Variants in CARMIL2 observed in about 807,000 individuals in gnomAD.
CARMIL2 encodes capping protein regulator and myosin 1 linker 2, also known as capping protein, Arp2/3 and myosin-I linker protein 2.
Under a neutral mutation model 173.3 loss-of-function variants are expected in CARMIL2, and 96 were observed. The ratio of observed to expected loss-of-function variants is 0.55; its 90% CI spans 0.47 to 0.66. The LOEUF is 0.66. Among genes scored for constraint, CARMIL2 ranks in the 30% least tolerant of loss-of-function variants. The probability of loss-of-function intolerance (pLI) is 0.00; values close to 1 mark genes in which losing one functional copy is unlikely to be tolerated. For missense variants in CARMIL2, 1,771 were observed against 1,906.7 expected, an observed-to-expected ratio of 0.93 and a Z score of 1.33; for synonymous variants, 830 against 817.1, an observed-to-expected ratio of 1.02 and a Z score of -0.27.
At chr16:67,645,330 T>A (rs1163730630) in intron 1 of CARMIL2, 44 bp downstream of exon 1, 1 of 1,574,016 alleles carries the variant, frequency 6.4e-7, no homozygotes, top group Non-Finnish European at 8.6e-7. Context: ...GAGGAAGTAG[T>A]GCAGCCCCAA....
chr16:67,652,183 C>A lies in CARMIL2; in HGVS notation c.2677-16C>A. The A allele has an allele frequency of 6.2e-7, 1 of 1,609,758 alleles. No homozygotes were observed. The highest frequency in any genetic ancestry group is 8.5e-7 in the Non-Finnish European group (1 of 1,178,632). ...CTGAGGCCCTACCTGCCATCTTTGG[C>A]TGCTTGGTATTGCAGGTGGAGAGTC... On this transcript the variant is annotated splice_polypyrimidine_tract_variant and intron_variant, in intron 26 of 37. Transcript: ENST00000334583. This position sits in a 1 kb window ranked among gnomAD's most constrained non-coding sequence, Gnocchi z 4.7.
chr16:67,656,123 A>G, intron 33 of CARMIL2, 56 bp downstream of exon 33: 1 of 1,611,190 alleles, frequency 6.2e-7, no homozygotes, highest in Non-Finnish European at 8.5e-7. Flanking sequence ...CCTTATAGAC[A>G]GCCCCCAAGG....
chr16:67,648,691 T>C lies in CARMIL2; in HGVS notation c.1446T>C (p.Leu482=), dbSNP rs774035409. ...CKLPPDALRA[L]LDGLALNTHL... ...GTGTAACGTCCTCTCCCAGAGCCCT[T>C]TTGGATGGCCTCGCGCTCAACACGC... Residue 482 remains leucine (L), a synonymous_variant, in exon 16 of 38, where the codon CTT becomes CTC. Coordinates refer to ENST00000334583, the MANE Select transcript of CARMIL2 (RefSeq NM_001013838.3). The surrounding 1 kb of genome is among the most constrained non-coding windows in gnomAD (Gnocchi z 6.1). 2 of 1,606,370 alleles carry C rather than the reference T, an allele frequency of 1.2e-6. No homozygotes were observed. Among genetic ancestry groups the C allele is most frequent in the African/African-American group, 2.7e-5 (2 of 74,804 alleles).
chr16:67,654,784 C>T lies in CARMIL2; in HGVS notation c.3589C>T (p.Pro1197Ser), dbSNP rs756486522. 4 of 1,613,270 alleles carry T rather than the reference C, an allele frequency of 2.5e-6. No individual in the cohort carries two copies. The highest frequency in any genetic ancestry group is 2.2e-5 in the East Asian group (1 of 44,888). ...TLGARPDKRRPLERGETELAP... is the reference protein window; with the variant it reads ...TLGARPDKRRSLERGETELAP... ...CGAGCATCTCTGTCCCTAGCGGCGG[C>T]CCCTGGAGCGGGGAGAAACAGAACT... is the stretch of plus-strand genomic sequence containing the variant. The change falls in exon 32 of 38, where the codon CCC becomes TCC. Residue 1197 changes from proline to serine, a missense_variant. Pro to Ser is a moderately conservative substitution (Grantham distance 74). Transcript: ENST00000334583.
chr16:67,648,251 T>C lies in CARMIL2; in HGVS notation c.1271T>C (p.Val424Ala), dbSNP rs1171580319. 3.1e-6 allele frequency: 5 copies of C among 1,600,108 alleles called. No homozygotes were observed. The highest frequency in any genetic ancestry group is 4.2e-6 in the Non-Finnish European group (5 of 1,176,488). ...NSLPPQLFAA[V>A]SRGCCTSLTH... ...CTCCCCCCGCAGCTCTTCGCAGCGG[T>C]ATCCCGAGGCTGCTGCACCAGCCTT... The change falls in exon 14 of 38, where the codon GTA becomes GCA. Residue 424 changes from valine to alanine, a missense_variant. By Grantham distance (64) the Val-to-Ala change is moderately conservative. Transcript: ENST00000334583. This position sits in a 1 kb window ranked among gnomAD's most constrained non-coding sequence, Gnocchi z 6.1.
Position 67,647,198 on chromosome 16 carries a change from G to C in CARMIL2, c.687+7G>C. ...CTGTGTGGACATGAAGCTGGTGAGGGGGTTCGGGGTAAGGGCAGGGAGGGG... is the reference window on the plus strand; with the variant it reads ...CTGTGTGGACATGAAGCTGGTGAGGCGGTTCGGGGTAAGGGCAGGGAGGGG... On this transcript the variant is annotated splice_region_variant and intron_variant, in intron 9 of 37. Transcript: ENST00000334583. The C allele has an allele frequency of 6.2e-7, 1 of 1,613,824 alleles. No individual in the cohort carries two copies. Among genetic ancestry groups the C allele is most frequent in the South Asian group, 1.1e-5 (1 of 91,088 alleles).
In CARMIL2 at chr16:67,657,412, GCCTTGGAA is replaced by G; in HGVS notation, c.4205_4212del (p.Leu1402ArgfsTer14). 1 of 1,605,904 alleles carries G rather than the reference GCCTTGGAA, an allele frequency of 6.2e-7. No homozygotes were observed. The highest frequency in any genetic ancestry group is 8.5e-7 in the Non-Finnish European group (1 of 1,176,632). ...TCCCTCCCTCCCCTCACAGGATCTG[GCCTTGGAA>G]CCGAGCCTCTGCCCCCACAGCCCAC... On this transcript the variant is annotated frameshift_variant, in exon 38 of 38. Transcript: ENST00000334583. LOFTEE classifies it high-confidence loss of function. This position sits in a 1 kb window ranked among gnomAD's most constrained non-coding sequence, Gnocchi z 4.5.
chr16:67,646,247 T>C lies in CARMIL2; in HGVS notation c.311T>C (p.Leu104Pro), dbSNP rs762930768. Residue 104 changes from leucine to proline, a missense_variant, in exon 5 of 38, where the codon CTG becomes CCG. Physicochemically the swap from Leu to Pro is moderately conservative, Grantham distance 98. Around this residue, in one of 3 missense-constraint regions of CARMIL2, gnomAD observed 944 missense variants for 975.6 expected, o/e 0.97. Transcript: ENST00000334583. This position sits in a 1 kb window ranked among gnomAD's most constrained non-coding sequence, Gnocchi z 4.6. ...LVLEFPGVAA[L>P]EQLAQHVAAA... Reference sequence around the variant, plus strand: ...CTGGAGTTTCCTGGTGTGGCCGCCCTGGAACAGCTGGCCCAGCACGTGGCT... The same window carrying C: ...CTGGAGTTTCCTGGTGTGGCCGCCCCGGAACAGCTGGCCCAGCACGTGGCT... 6.2e-7 allele frequency: 1 copy of C among 1,613,630 alleles called. No homozygotes were observed. Among genetic ancestry groups the C allele is most frequent in the African/African-American group, 1.3e-5 (1 of 74,914 alleles).
rs781084163 is a variant in CARMIL2 at position 67,648,343 on chromosome 16, G to A, written c.1334+29G>A. On this transcript the variant is annotated intron_variant, in intron 14 of 37. Transcript: ENST00000334583. This position sits in a 1 kb window ranked among gnomAD's most constrained non-coding sequence, Gnocchi z 6.1. ...AGGGGGACCTGTCGGGGCCGGGGGAGGCTGCTGGAAGCCGCCTCCTTGCGG... is the reference window on the plus strand; with the variant it reads ...AGGGGGACCTGTCGGGGCCGGGGGAAGCTGCTGGAAGCCGCCTCCTTGCGG... The A allele has an allele frequency of 1.3e-6, 2 of 1,567,420 alleles. No homozygotes were observed. Among genetic ancestry groups the A allele is most frequent in the Non-Finnish European group, 8.6e-7 (1 of 1,165,186 alleles).
rs2052684022 is a variant in CARMIL2, at chr16:67,649,783, G to A, written c.1920-23G>A. On this transcript the variant is annotated intron_variant, in intron 20 of 37. Coordinates refer to ENST00000334583, the MANE Select transcript of CARMIL2 (RefSeq NM_001013838.3). This position sits in a 1 kb window ranked among gnomAD's most constrained non-coding sequence, Gnocchi z 6.7. ...TGGGGCGTTGGGAAGCTCCGTCCCCGACTGAAGCCAGGCCCGGCCCAGGTC... is the reference window on the plus strand; with the variant it reads ...TGGGGCGTTGGGAAGCTCCGTCCCCAACTGAAGCCAGGCCCGGCCCAGGTC... The A allele has an allele frequency of 1.9e-6, 3 of 1,603,814 alleles. No homozygotes were observed. Among genetic ancestry groups the A allele is most frequent in the Non-Finnish European group, 2.6e-6 (3 of 1,174,202 alleles).
chr16:67,649,222 CTG>C lies in CARMIL2; in HGVS notation c.1689-30_1689-29del. On this transcript the variant is annotated intron_variant, in intron 18 of 37. Coordinates refer to ENST00000334583, the MANE Select transcript of CARMIL2 (RefSeq NM_001013838.3). This position sits in a 1 kb window ranked among gnomAD's most constrained non-coding sequence, Gnocchi z 6.7. ...CCTCCCAGACAACACCCCACCACCCCTGTCCCCCACAACTGCGGCCCCTGCCC... is the reference window on the plus strand; with the variant it reads ...CCTCCCAGACAACACCCCACCACCCCTCCCCCACAACTGCGGCCCCTGCCC... 2 of 1,613,254 alleles carry C rather than the reference CTG, an allele frequency of 1.2e-6. No homozygotes were observed. The highest frequency in any genetic ancestry group is 4.5e-5 in the East Asian group (2 of 44,858).
chr16:67,647,458 G>T (rs755182113), intron 10 of CARMIL2, 50 bp from the exon 11 acceptor site: 3 of 1,561,182 alleles, frequency 1.9e-6, no homozygotes, highest in African/African-American at 2.7e-5. Flanking sequence ...TGGCCTGGGA[G>T]GGGTTGGCAA....
Position 67,654,244 on chromosome 16 carries a change from T to A in CARMIL2, c.3216T>A (p.Asp1072Glu). Residue 1072 changes from aspartate to glutamate, a missense_variant, in exon 30 of 38, where the codon GAT (aspartate) becomes GAA (glutamate). Around this residue, in one of 3 missense-constraint regions of CARMIL2, gnomAD observed 817 missense variants for 903.5 expected, o/e 0.90. Transcript: ENST00000334583. ...EFFSKRLIQQ[D>E]RLWAPEEDPA... ...TCTCCAAAAGGCTGATCCAGCAGGA[T>A]CGCCTGTGAGTGAGGGGCATCTGCT... 2.6e-6 allele frequency: 4 copies of A among 1,566,636 alleles called. No individual in the cohort carries two copies. The highest frequency in any genetic ancestry group is 3.5e-6 in the Non-Finnish European group (4 of 1,155,556).
In CARMIL2 at chr16:67,656,834, G is replaced by A; in HGVS notation, c.4070G>A (p.Gly1357Glu). ...CTGAGGCCGAGGCCTCTCTCGGCAGGGCGGCGAGCAGTGTCTGTGCATGAG... is the reference window on the plus strand; with the variant it reads ...CTGAGGCCGAGGCCTCTCTCGGCAGAGCGGCGAGCAGTGTCTGTGCATGAG... Reference protein sequence around the residue: ...GQLRPRPLSAGRRAVSVHEDQ... With the variant: ...GQLRPRPLSAERRAVSVHEDQ... Residue 1357 changes from glycine (G) to glutamate (E), a missense_variant, in exon 36 of 38, where the codon GGG (glycine) becomes GAG (glutamate). This residue lies in a region of CARMIL2 where 817 missense variants were observed against 903.5 expected (regional missense o/e 0.90). Transcript: ENST00000334583. The A allele has an allele frequency of 1.3e-6, 2 of 1,550,800 alleles. No individual in the cohort carries two copies. Among genetic ancestry groups the A allele is most frequent in the Non-Finnish European group, 1.7e-6 (2 of 1,146,928 alleles).
Position 67,646,485 on chromosome 16 carries a change from C to T in CARMIL2, c.434C>T (p.Pro145Leu). ...CTGGCTCGGCTGGAGAGAAGCAGCC[C>T]CTCGGAGTCCACTGACCCCTGCAGC... is the stretch of plus-strand genomic sequence containing the variant. ...SMLARLERSS[P>L]SESTDPCSPC... Residue 145 changes from proline (P) to leucine (L), a missense_variant, in exon 6 of 38, where the codon CCC (proline) becomes CTC (leucine). Physicochemically the swap from Pro to Leu is moderately conservative, Grantham distance 98. This residue lies in a region of CARMIL2 where 944 missense variants were observed against 975.6 expected (regional missense o/e 0.97). Coordinates refer to ENST00000334583, the MANE Select transcript of CARMIL2 (RefSeq NM_001013838.3). The surrounding 1 kb of genome is among the most constrained non-coding windows in gnomAD (Gnocchi z 4.6). The T allele has an allele frequency of 6.2e-7, 1 of 1,613,438 alleles. No homozygotes were observed. Among genetic ancestry groups the T allele is most frequent in the Middle Eastern group, 1.7e-4 (1 of 6,060 alleles).
rs1034787077 is a variant in CARMIL2 at position 67,653,296 on chromosome 16, A to T, written c.3120+42A>T. 2.0e-6 allele frequency: 2 copies of T among 996,820 alleles called. No individual in the cohort carries two copies. The highest frequency in any genetic ancestry group is 3.4e-5 in the African/African-American group (2 of 58,272). 61.7% of individuals were successfully genotyped at this position (996,820 alleles called of 1,614,324 possible). ...CACTCCGGAGCGCGTGGAATTGGGG[A>T]TCACGGGTGGCCCGGCCGCTCCTCA... On this transcript the variant is annotated intron_variant, in intron 29 of 37. Transcript: ENST00000334583. The surrounding 1 kb of genome is among the most constrained non-coding windows in gnomAD (Gnocchi z 7.4).
At position 67,648,549 on chromosome 16, in the gene CARMIL2, C is replaced by A. The variant is rs752910513; in HGVS notation, c.1439+47C>A. On this transcript the variant is annotated intron_variant, in intron 15 of 37. Coordinates refer to ENST00000334583, the MANE Select transcript of CARMIL2 (RefSeq NM_001013838.3). The surrounding 1 kb of genome is among the most constrained non-coding windows in gnomAD (Gnocchi z 6.1). The stretch of plus-strand genomic sequence containing the variant: ...CGCCCCCGCGGGCGCTCCCACCCTG[C>A]CCTGGCCTTCGCCCCTCCCCGCTCC... The A allele has an allele frequency of 1.6e-5, 24 of 1,456,240 alleles. No homozygotes were observed. The African/African-American group carries it at 3.2e-4, about 20-fold the overall frequency. 90.2% of individuals were successfully genotyped at this position (1,456,240 alleles called of 1,614,324 possible).
Position 67,646,863 on chromosome 16 carries a change from G to A in CARMIL2, c.538-37G>A, listed in dbSNP as rs1287521685. ...GCTGAGCCCCTCCCTGCCCCTTGTG[G>A]CCCCAGGCGAACTGTAAGCATCTCC... On this transcript the variant is annotated intron_variant, in intron 7 of 37. Transcript: ENST00000334583. This position sits in a 1 kb window ranked among gnomAD's most constrained non-coding sequence, Gnocchi z 4.6. The A allele has an allele frequency of 6.2e-7, 1 of 1,613,390 alleles. No individual in the cohort carries two copies.
At chr16:67,650,878 C>A (rs2052709867) in intron 22 of CARMIL2, 1 of 316,950 alleles carries the variant, frequency 3.2e-6, no homozygotes, top group Non-Finnish European at 5.9e-6. Flanking sequence ...TCCAGGGCTA[C>A]TCACTCCCTT....
Sources: gnomAD v4.1 joint callset for allele counts on GRCh38, gnomAD v4.1.1 for gene constraint, gnomAD v4.1.1 regional missense constraint, Gnocchi (gnomAD v3.1) non-coding constraint, MANE v1.5 for transcripts, NCBI Gene and HGNC (gene_info 2026-07-23, HGNC 2026-07-21) for gene names.